Variants in GNAO1 observed in about 807,000 individuals in gnomAD.
The protein encoded by GNAO1 is G protein subunit alpha o1.
For missense variants in GNAO1, 166 were observed against 478.7 expected, an observed-to-expected ratio of 0.35 and a Z score of 6.10; for synonymous variants, 164 against 180.7, an observed-to-expected ratio of 0.91 and a Z score of 0.74.
At chr16:56,331,803 C>G (rs1284957447) in intron 4 of GNAO1, among the ~76,000 whole-genome samples, 2 of 152,198 alleles carry the variant, frequency 1.3e-5, no homozygotes, top group African/African-American at 4.8e-5. Context: ...CCAGCCCAGC[C>G]CTCCCTCCTG....
chr16:56,220,157 A>G (rs1206462546), intron 2 of GNAO1, among the ~76,000 whole-genome samples: 3 of 152,104 alleles, frequency 2.0e-5, no homozygotes, highest in Non-Finnish European at 4.4e-5. Context: ...TTTTGCAGGT[A>G]AAGAATCTGA....
intron 2 of GNAO1, among the ~76,000 whole-genome samples, chr16:56,273,422 C>G (rs1233628392): frequency 6.6e-6 from 1 of 152,048 alleles, no homozygotes; most frequent in African/African-American, 2.4e-5. Context: ...TCATAATTCC[C>G]TTCAATTTCT....
intron 2 of GNAO1, among the ~76,000 whole-genome samples, chr16:56,240,235 G>A (rs767713594): frequency 5.9e-5 from 9 of 152,122 alleles, no homozygotes; most frequent in Non-Finnish European, 8.8e-5. Flanking sequence ...TGGAGGGCTC[G>A]GGAGTGGTTA....
chr16:56,311,474 G>A lies in GNAO1; in HGVS notation c.304-17157G>A, dbSNP rs2037457795. ...CCCAGAGTCACCCAGTGTCTGTCAG[G>A]GAAGATGAGGATGGCAGGGGCTAAG... On this transcript the variant is annotated intron_variant, in intron 3 of 8. Coordinates refer to ENST00000262493, the MANE Select transcript of GNAO1 (RefSeq NM_020988.3). The surrounding 1 kb of genome is among the most constrained non-coding windows in gnomAD (Gnocchi z 5.2). 6.6e-6 allele frequency among the ~76,000 whole-genome samples: 1 copy of A among 152,154 alleles called. No individual in the cohort carries two copies. Among genetic ancestry groups the A allele is most frequent in the Non-Finnish European group, 1.5e-5 (1 of 68,016 alleles).
At chr16:56,245,174 C>G (rs931531515) in intron 2 of GNAO1, among the ~76,000 whole-genome samples, 33 of 152,224 alleles carry the variant, frequency 2.2e-4, no homozygotes, top group African/African-American at 5.3e-4. Context: ...TTCATCTACC[C>G]TTGTTGTTCC....
At chr16:56,305,957 A>G (rs1200890832) in intron 3 of GNAO1, among the ~76,000 whole-genome samples, 1 of 152,218 alleles carries the variant, frequency 6.6e-6, no homozygotes, top group Non-Finnish European at 1.5e-5. Context: ...CTGTCTCTAA[A>G]TACAGTCACA....
intron 6 of GNAO1, chr16:56,344,235 G>A: frequency 1.5e-6 from 2 of 1,368,998 alleles, no homozygotes; most frequent in South Asian, 1.7e-5. Context: ...AAGCTGGGGG[G>A]ACAGGGCAGG....
chr16:56,228,962 A>G (rs944287210), intron 2 of GNAO1, among the ~76,000 whole-genome samples: 7 of 152,230 alleles, frequency 4.6e-5, no homozygotes, highest in Admixed American at 1.3e-4. Flanking sequence ...GCTCCATGAG[A>G]GCAAGGATTA....
intron 2 of GNAO1, chr16:56,213,383 A>G: frequency 2.5e-6 from 1 of 398,554 alleles, no homozygotes; most frequent in Non-Finnish European, 4.4e-6. Context: ...GTTAGGGGAG[A>G]CAGGCAATAA....
At chr16:56,217,646 G>A (rs1476253704) in intron 2 of GNAO1, among the ~76,000 whole-genome samples, 1 of 152,156 alleles carries the variant, frequency 6.6e-6, no homozygotes, top group Non-Finnish European at 1.5e-5. Flanking sequence ...AGGTGTTTTA[G>A]ATGTAAGATT....
At chr16:56,329,780 G>A (rs1297821874) in intron 4 of GNAO1, among the ~76,000 whole-genome samples, 1 of 152,182 alleles carries the variant, frequency 6.6e-6, no homozygotes, top group Non-Finnish European at 1.5e-5. Context: ...CCAGGTCTCA[G>A]CTGGGGCCTT....
intron 6 of GNAO1, among the ~76,000 whole-genome samples, chr16:56,348,469 A>G (rs1165655831): frequency 1.3e-5 from 2 of 152,216 alleles, no homozygotes; most frequent in African/African-American, 4.8e-5. Context: ...GCTGTGGGTG[A>G]CGTGGCAGTG....
chr16:56,242,260 T>C (rs905469006), intron 2 of GNAO1, among the ~76,000 whole-genome samples: 16 of 152,242 alleles, frequency 1.1e-4, no homozygotes, highest in Non-Finnish European at 2.1e-4. Flanking sequence ...AAATCATTTA[T>C]AGATTGAACA....
chr16:56,291,821 C>T, intron 3 of GNAO1, among the ~76,000 whole-genome samples: 1 of 152,174 alleles, frequency 6.6e-6, no homozygotes, highest in East Asian at 1.9e-4. Context: ...GGTGCCCTAT[C>T]ACTGCATCCT....
chr16:56,238,988 A>G (rs1321452807), intron 2 of GNAO1, among the ~76,000 whole-genome samples: 1 of 152,242 alleles, frequency 6.6e-6, no homozygotes, highest in East Asian at 1.9e-4. Flanking sequence ...ATATCTACAT[A>G]TATGATTGCA....
chr16:56,340,689 T>C (rs1477594840), intron 6 of GNAO1: 27 of 718,526 alleles, frequency 3.8e-5, no homozygotes, highest in Non-Finnish European at 6.1e-5. Context: ...GGTCCTCCCG[T>C]CTCCGTCCTG....
rs2037923550 is a variant in GNAO1, at chr16:56,351,742, G to T, written c.877+205G>T. The stretch of plus-strand genomic sequence containing the variant: ...CACAGCCCTCAGCGTGGTGGAAATG[G>T]CCCCTCCTAAGATATATGTGTTAGG... On this transcript the variant is annotated intron_variant, in intron 7 of 8. Coordinates refer to ENST00000262493, the MANE Select transcript of GNAO1 (RefSeq NM_020988.3). The surrounding 1 kb of genome is among the most constrained non-coding windows in gnomAD (Gnocchi z 6.1). The T allele has an allele frequency of 1.8e-6, 1 of 567,924 alleles. No individual in the cohort carries two copies. The highest frequency in any genetic ancestry group is 3.2e-6 in the Non-Finnish European group (1 of 317,262). The allele number at this position is 567,924 out of a possible 1,614,324, so 35.2% of individuals were successfully genotyped here. A position where few individuals can be genotyped will look rare whatever the true frequency, so the allele number is the denominator to read the frequency against.
intron 2 of GNAO1, among the ~76,000 whole-genome samples, chr16:56,196,811 C>T (rs557978711): frequency 1.8e-4 from 28 of 152,134 alleles, no homozygotes; most frequent in Non-Finnish European, 3.7e-4. Context: ...CTGCTTAGTG[C>T]CATTTTAAAA....
chr16:56,296,103 A>G (rs953587615), intron 3 of GNAO1, among the ~76,000 whole-genome samples: 3 of 152,224 alleles, frequency 2.0e-5, no homozygotes, highest in Non-Finnish European at 2.9e-5. Context: ...CCTGAGCTTT[A>G]CAAGGGAGAC....
Sources: allele counts gnomAD v4.1 joint callset (sites outside exome capture counted in the v4.1 genomes callset), GRCh38; gene constraint gnomAD v4.1.1; non-coding constraint Gnocchi (gnomAD v3.1); transcripts MANE v1.5; gene names NCBI Gene and HGNC (gene_info 2026-07-23, HGNC 2026-07-21).